Variants in CCDC61 observed in about 807,000 individuals in gnomAD.
The protein encoded by CCDC61 is coiled-coil domain containing 61, also known as centrosomal protein CCDC61.
In CCDC61, 55 loss-of-function variants were observed where a neutral mutation model predicts 63.0. The ratio of observed to expected loss-of-function variants is 0.87; its 90% CI spans 0.70 to 1.09. The LOEUF (loss-of-function observed/expected upper bound fraction) is 1.09. Among genes scored for constraint, CCDC61 ranks in the 50% least tolerant of loss-of-function variants. The pLI, the probability that CCDC61 is intolerant of heterozygous loss-of-function variation, is 0.00. For synonymous variants in CCDC61, 270 were observed against 317.0 expected, an observed-to-expected ratio of 0.85 and a Z score of 1.58; for missense variants, 651 against 731.4, an observed-to-expected ratio of 0.89 and a Z score of 1.27.
At chr19:46,003,816 A>G (rs1968640896) in intron 3 of CCDC61, among the ~76,000 whole-genome samples, 1 of 121,816 alleles carries the variant, frequency 8.2e-6, no homozygotes, top group Admixed American at 8.8e-5. Context: ...TTTGTTTCCA[A>G]ATACGTGTGT....
intron 5 of CCDC61, among the ~76,000 whole-genome samples, chr19:46,013,593 G>T (rs187181898): frequency 4.1e-4 from 62 of 152,184 alleles, no homozygotes; most frequent in African/African-American, 1.5e-3. Context: ...CCAGGGCCGG[G>T]TGCGGTGGCT....
intron 5 of CCDC61, among the ~76,000 whole-genome samples, chr19:46,012,640 CTA>C (rs201400093): frequency 0.015 from 2,144 of 147,132 alleles, 21 homozygotes; most frequent in Middle Eastern, 0.027. Flanking sequence ...GAGGGAGACT[CTA>C]TGTGGAAAAA....
rs1968567903 is a variant in CCDC61 at position 46,000,359 on chromosome 19, G to T, written c.-11-2649G>T. Among the ~76,000 whole-genome samples the T allele has an allele frequency of 2.0e-5, 3 of 152,062 alleles. 1 individual carries two copies. In the South Asian group the frequency reaches 6.2e-4, roughly 31 times the overall value. ...GGAAGAATGCAGTTGGAATAACGGG[G>T]TGCATTGAAGTTGAATATGCGGGAG... On this transcript the variant is annotated intron_variant, in intron 1 of 13. Coordinates refer to ENST00000595358, the MANE Select transcript of CCDC61 (RefSeq NM_001267723.2).
At chr19:46,004,037 C>G (rs1968648802) in intron 3 of CCDC61, among the ~76,000 whole-genome samples, 1 of 151,838 alleles carries the variant, frequency 6.6e-6, no homozygotes, top group Non-Finnish European at 1.5e-5. Flanking sequence ...CTCCCAGGTT[C>G]AAGCGATTCT....
chr19:45,998,196 G>A lies in CCDC61; in HGVS notation c.-12+2692G>A, dbSNP rs115060692. Among the ~76,000 whole-genome samples the A allele has an allele frequency of 3.5e-3, 536 of 152,346 alleles. 4 individuals carry two copies. Among genetic ancestry groups the A allele is most frequent in the African/African-American group, 0.012 (501 of 41,580 alleles). On this transcript the variant is annotated intron_variant, in intron 1 of 13. Coordinates refer to ENST00000595358, the MANE Select transcript of CCDC61 (RefSeq NM_001267723.2). ...GAACTAGGAGGGTCATGTGTGGGGT[G>A]GTAGGGTCGGAGGTGGGGGAATAAA... is the stretch of plus-strand genomic sequence containing the variant.
chr19:46,004,166 C>T (rs188829732), intron 3 of CCDC61, among the ~76,000 whole-genome samples: 29 of 151,990 alleles, frequency 1.9e-4, no homozygotes, highest in African/African-American at 5.1e-4. Flanking sequence ...TGTGGAGCTC[C>T]GGACATCAGG....
intron 5 of CCDC61, among the ~76,000 whole-genome samples, chr19:46,012,277 C>A (rs906357243): frequency 1.3e-5 from 2 of 152,168 alleles, no homozygotes; most frequent in Admixed American, 1.3e-4. Context: ...ATAATATACT[C>A]CAAAGAGTAT....
intron 5 of CCDC61, among the ~76,000 whole-genome samples, chr19:46,009,802 CTGTGTGTGTGTGTATGTGTG>C (rs1056475768): frequency 6.2e-5 from 8 of 128,214 alleles, no homozygotes; most frequent in East Asian, 2.0e-4. Flanking sequence ...TGCTCTCAGG[CTGTGTGTGTGTGTATGTGTG>C]TGTGTGTGTG....
rs368534568 is a variant in CCDC61, at chr19:46,008,319, G to A, written c.551+18G>A. The A allele has an allele frequency of 1.3e-5, 13 of 1,008,948 alleles. No homozygotes were observed. The highest frequency in any genetic ancestry group is 2.0e-5 in the Non-Finnish European group (13 of 666,594). 62.5% of individuals were successfully genotyped at this position (1,008,948 alleles called of 1,614,324 possible). On this transcript the variant is annotated intron_variant, in intron 5 of 13. Transcript: ENST00000595358. ...CGGGAGCAGTGAGTCTTGGAGGGGT[G>A]GGCAGCTGGGGCGGGTGGGGGCCCT...
chr19:46,016,070 G>C lies in CCDC61; in HGVS notation c.862G>C (p.Val288Leu). The C allele has an allele frequency of 1.6e-6, 2 of 1,235,152 alleles. No individual in the cohort carries two copies. The highest frequency in any genetic ancestry group is 3.2e-5 in the East Asian group (1 of 31,644). The allele number at this position is 1,235,152 out of a possible 1,614,324, so 76.5% of individuals were successfully genotyped here. A position where few individuals can be genotyped will look rare whatever the true frequency, so the allele number is the denominator to read the frequency against. ...LYKRGRRTPP[V>L]QPPPTREDRA... ...TGGTCTCAGGAGGCGGACTCCGCCG[G>C]TGCAGCCGCCCCCGACGCGGGAGGA... Residue 288 changes from valine (V) to leucine (L), a missense_variant, in exon 8 of 14, where the codon GTG (valine) becomes CTG (leucine). Coordinates refer to ENST00000595358, the MANE Select transcript of CCDC61 (RefSeq NM_001267723.2). This position sits in a 1 kb window ranked among gnomAD's most constrained non-coding sequence, Gnocchi z 7.2.
At chr19:46,009,065 T>G (rs76488938) in intron 5 of CCDC61, among the ~76,000 whole-genome samples, 2,913 of 151,940 alleles carry the variant, frequency 0.019, 98 homozygotes, top group African/African-American at 0.065. Flanking sequence ...CAGATGGAGA[T>G]GAGTAGGGCA....
At chr19:46,014,342 T>A (rs190126396) in intron 5 of CCDC61, among the ~76,000 whole-genome samples, 2 of 152,312 alleles carry the variant, frequency 1.3e-5, no homozygotes, top group East Asian at 3.9e-4. Flanking sequence ...TATAAACATA[T>A]AATTTATAAT....
chr19:46,010,066 T>G (rs28479346), intron 5 of CCDC61, among the ~76,000 whole-genome samples: 3,294 of 152,268 alleles, frequency 0.022, 125 homozygotes, highest in African/African-American at 0.075. Context: ...GAGCCAACAT[T>G]TATGGAGTTC....
Position 46,016,029 on chromosome 19 carries a change from C to G in CCDC61, c.846-25C>G. 1 of 1,234,826 alleles carries G rather than the reference C, an allele frequency of 8.1e-7. No homozygotes were observed. Among genetic ancestry groups the G allele is most frequent in the Non-Finnish European group, 1.0e-6 (1 of 990,702 alleles). 76.5% of individuals were successfully genotyped at this position (1,234,826 alleles called of 1,614,324 possible). A position where few individuals can be genotyped will look rare whatever the true frequency, so the allele number is the denominator to read the frequency against. ...TGAGTTTGTCGGGGCGGGCGGGAAG[C>G]TGACAGCTGCCTCTGTGGTCTCAGG... On this transcript the variant is annotated intron_variant, in intron 7 of 13. Coordinates refer to ENST00000595358, the MANE Select transcript of CCDC61 (RefSeq NM_001267723.2). The surrounding 1 kb of genome is among the most constrained non-coding windows in gnomAD (Gnocchi z 7.2).
chr19:46,006,790 C>A, intron 4 of CCDC61, 74 bp downstream of exon 4: 1 of 1,359,034 alleles, frequency 7.4e-7, no homozygotes, highest in Non-Finnish European at 1.0e-6. Context: ...GCCTTAGGAA[C>A]CCCTGGCACC....
At position 46,018,135 on chromosome 19, in the gene CCDC61, T is replaced by G; in HGVS notation, c.1426T>G (p.Trp476Gly). ...GAAATCTCTGGCCAACTCCGGGGGC[T>G]GGGTCCCCATCAAAGGTGAGCCTGG... Reference protein sequence around the residue: ...HQKSLANSGGWVPIKEYSSEH... With the variant: ...HQKSLANSGGGVPIKEYSSEH... Residue 476 changes from tryptophan (W) to glycine (G), a missense_variant, in exon 13 of 14, where the codon TGG becomes GGG. Transcript: ENST00000595358. This position sits in a 1 kb window ranked among gnomAD's most constrained non-coding sequence, Gnocchi z 4.2. 6.2e-7 allele frequency: 1 copy of G among 1,607,964 alleles called. No homozygotes were observed. Among genetic ancestry groups the G allele is most frequent in the Non-Finnish European group, 8.5e-7 (1 of 1,177,432 alleles).
intron 1 of CCDC61, chr19:45,996,540 A>C: frequency 6.6e-6 from 1 of 150,712 alleles, no homozygotes; most frequent in Non-Finnish European, 1.5e-5. Context: ...AGGGAATTAC[A>C]GGCGCCCGCC....
intron 3 of CCDC61, among the ~76,000 whole-genome samples, chr19:46,005,098 C>T (rs981170600): frequency 6.6e-6 from 1 of 151,988 alleles, no homozygotes; most frequent in Non-Finnish European, 1.5e-5. Flanking sequence ...GCAACCTCCG[C>T]CTCCCGATTT....
At position 46,018,041 on chromosome 19, in the gene CCDC61, G is replaced by A. The variant is rs1026863123; in HGVS notation, c.1369-37G>A. On this transcript the variant is annotated intron_variant, in intron 12 of 13. Coordinates refer to ENST00000595358, the MANE Select transcript of CCDC61 (RefSeq NM_001267723.2). The surrounding 1 kb of genome is among the most constrained non-coding windows in gnomAD (Gnocchi z 4.2). Reference sequence around the variant, plus strand: ...TTTAGGGGGACAGAAATAGAGGGACGGTGGGTGACCCCCTTTCCTACCTTC... The same window carrying A: ...TTTAGGGGGACAGAAATAGAGGGACAGTGGGTGACCCCCTTTCCTACCTTC... 3.9e-6 allele frequency: 6 copies of A among 1,554,382 alleles called. No individual in the cohort carries two copies. The highest frequency in any genetic ancestry group is 1.4e-5 in the African/African-American group (1 of 73,002).
Sources: gnomAD v4.1 joint callset for allele counts (sites outside exome capture counted in the v4.1 genomes callset) on GRCh38, gnomAD v4.1.1 for gene constraint, Gnocchi (gnomAD v3.1) non-coding constraint, MANE v1.5 for transcripts, NCBI Gene and HGNC (gene_info 2026-07-23, HGNC 2026-07-21) for gene names.